MYO1B: variants seen among roughly 807,000 people sequenced by gnomAD.
MYO1B encodes the protein myosin IB, also known as unconventional myosin-Ib.
MYO1B carries 72 observed loss-of-function variants against 159.7 expected under a neutral mutation model. The observed-to-expected ratio is 0.45, with a 90% CI of 0.37 to 0.55. The LOEUF (loss-of-function observed/expected upper bound fraction) is 0.55. Ranked by LOEUF, MYO1B falls within the 20% of genes least tolerant of loss-of-function variation. The pLI is 0.00. For missense variants in MYO1B, 1,062 were observed against 1,364.8 expected, an observed-to-expected ratio of 0.78 and a Z score of 3.50; for synonymous variants, 468 against 473.8, an observed-to-expected ratio of 0.99 and a Z score of 0.16.
At chr2:191,360,099 T>C (rs1693567720) in intron 7 of MYO1B, among the ~76,000 whole-genome samples, 1 of 152,228 alleles carries the variant, frequency 6.6e-6, no homozygotes. Flanking sequence ...TTTCAAATCC[T>C]AGTTCCACAA....
rs1460269732 is a variant in MYO1B at position 191,275,380 on chromosome 2, A to T, written c.-9-1507A>T. Among the ~76,000 whole-genome samples, 5 of 152,056 alleles carry T rather than the reference A, an allele frequency of 3.3e-5. No individual in the cohort carries two copies. In the East Asian group the frequency reaches 7.7e-4, roughly 23 times the overall value. On this transcript the variant is annotated intron_variant, in intron 1 of 30. Coordinates refer to ENST00000392318, the MANE Select transcript of MYO1B (RefSeq NM_001130158.3). ...CTTTTTTGGCTTTTCATAGCCAAAA[A>T]CTTGTTTTAATAGGATCAGTAAAAA...
intron 15 of MYO1B, among the ~76,000 whole-genome samples, chr2:191,383,681 T>TCACAACA (rs1695234076): frequency 6.6e-6 from 1 of 151,522 alleles, no homozygotes; most frequent in African/African-American, 2.4e-5. Flanking sequence ...AGTGGCCATA[T>TCACAACA]CACAACACCC....
intron 2 of MYO1B, among the ~76,000 whole-genome samples, chr2:191,294,561 C>G (rs1237911000): frequency 6.6e-6 from 1 of 152,208 alleles, no homozygotes; most frequent in East Asian, 1.9e-4. Context: ...TGGGAGACAT[C>G]TCCCATCTCC....
intron 1 of MYO1B, among the ~76,000 whole-genome samples, chr2:191,275,572 A>G (rs1687702451): frequency 6.6e-6 from 1 of 152,210 alleles, no homozygotes; most frequent in Admixed American, 6.5e-5. Context: ...ACATTTGTTT[A>G]AGTTGCTGAG....
chr2:191,361,864 A>G lies in MYO1B; in HGVS notation c.662-404A>G, dbSNP rs552525761. 3.3e-5 allele frequency among the ~76,000 whole-genome samples: 5 copies of G among 152,246 alleles called. No individual in the cohort carries two copies. In the East Asian group the frequency reaches 9.6e-4, roughly 29 times the overall value. On this transcript the variant is annotated intron_variant, in intron 8 of 30. Coordinates refer to ENST00000392318, the MANE Select transcript of MYO1B (RefSeq NM_001130158.3). ...AAAACCAATTGGTATGAAGACATTT[A>G]TCACTGCTCTATATTTATTATTATA...
chr2:191,278,855 A>G (rs1415407285), intron 2 of MYO1B, among the ~76,000 whole-genome samples: 2 of 152,234 alleles, frequency 1.3e-5, no homozygotes, highest in African/African-American at 2.4e-5. Flanking sequence ...GGTCTTTGAG[A>G]TGGAGATAGG....
chr2:191,374,450 A>C (rs1340633677), intron 13 of MYO1B, among the ~76,000 whole-genome samples: 2 of 152,216 alleles, frequency 1.3e-5, no homozygotes, highest in African/African-American at 4.8e-5. Context: ...TTTTAAAAAA[A>C]TGCGTCTAGT....
intron 29 of MYO1B, among the ~76,000 whole-genome samples, 155 bp downstream of exon 29, chr2:191,414,824 T>G (rs1697465287): frequency 6.6e-6 from 1 of 152,262 alleles, no homozygotes; most frequent in Admixed American, 6.5e-5. Context: ...ACTCAGTTTT[T>G]CAGTAATTGA....
At chr2:191,398,283 C>T (rs1292435999) in intron 21 of MYO1B, among the ~76,000 whole-genome samples, 2 of 100,630 alleles carry the variant, frequency 2.0e-5, no homozygotes, top group Admixed American at 9.0e-5. Context: ...GGCGGCTGGC[C>T]GGGCGGGGGG....
chr2:191,329,148 AAGGGGCAAAATTTACTTT>A, intron 3 of MYO1B, among the ~76,000 whole-genome samples: 1 of 152,240 alleles, frequency 6.6e-6, no homozygotes, highest in Non-Finnish European at 1.5e-5. Flanking sequence ...AATTAGCTAG[AAGGGGCAAAATTTACTTT>A]AGTAAATTTT....
chr2:191,352,162 G>A (rs1175927472), intron 7 of MYO1B, among the ~76,000 whole-genome samples: 1 of 152,164 alleles, frequency 6.6e-6, no homozygotes, highest in Non-Finnish European at 1.5e-5. Context: ...TTGTTAGGAA[G>A]ACTCTTTTTA....
At chr2:191,423,612 A>T (rs972347296) in intron 30 of MYO1B, among the ~76,000 whole-genome samples, 3 of 152,178 alleles carry the variant, frequency 2.0e-5, no homozygotes, top group African/African-American at 7.2e-5. Flanking sequence ...CATTATACTT[A>T]ATGTTTCAGT....
chr2:191,372,735 A>G (rs1275568263), intron 13 of MYO1B, among the ~76,000 whole-genome samples: 5 of 152,126 alleles, frequency 3.3e-5, no homozygotes, highest in Non-Finnish European at 5.9e-5. Context: ...CAATCCAAGA[A>G]TATTTTTCAC....
At chr2:191,371,668 T>A (rs1694373447) in intron 13 of MYO1B, among the ~76,000 whole-genome samples, 1 of 152,166 alleles carries the variant, frequency 6.6e-6, no homozygotes, top group African/African-American at 2.4e-5. Context: ...CCAGGGGCAC[T>A]TCCTCACCTT....
chr2:191,283,450 C>A (rs1254729406), intron 2 of MYO1B, among the ~76,000 whole-genome samples: 1 of 152,138 alleles, frequency 6.6e-6, no homozygotes, highest in African/African-American at 2.4e-5. Flanking sequence ...CAAGTTAACT[C>A]CTTGGAGACT....
intron 21 of MYO1B, among the ~76,000 whole-genome samples, 156 bp downstream of exon 21, chr2:191,396,653 G>A (rs540823289): frequency 5.3e-5 from 8 of 152,116 alleles, no homozygotes; most frequent in Non-Finnish European, 1.0e-4. Context: ...TGGGCCAAAC[G>A]GGGACCCTGG....
chr2:191,411,277 AT>A, intron 27 of MYO1B, 105 bp downstream of exon 27: 1 of 645,250 alleles, frequency 1.5e-6, no homozygotes, highest in Non-Finnish European at 2.7e-6. Flanking sequence ...TAGATGAGTG[AT>A]TTTTAGTTCT....
chr2:191,290,686 T>C (rs1395940346), intron 2 of MYO1B, among the ~76,000 whole-genome samples: 1 of 152,208 alleles, frequency 6.6e-6, no homozygotes, highest in Non-Finnish European at 1.5e-5. Context: ...TAATCAAACA[T>C]TTCAAATTCA....
intron 14 of MYO1B, among the ~76,000 whole-genome samples, chr2:191,382,732 G>C (rs1291356494): frequency 6.6e-6 from 1 of 152,162 alleles, no homozygotes; most frequent in Non-Finnish European, 1.5e-5. Context: ...TAGAACCAGT[G>C]GATAGATTTT....
Sources: allele counts gnomAD v4.1 joint callset (sites outside exome capture counted in the v4.1 genomes callset), GRCh38; gene constraint gnomAD v4.1.1; transcripts MANE v1.5; gene names NCBI Gene and HGNC (gene_info 2026-07-23, HGNC 2026-07-21).